Variants in UNC13C observed in about 807,000 individuals in gnomAD.
UNC13C encodes unc-13 homolog C.
Under a neutral mutation model 245.4 loss-of-function variants are expected in UNC13C, and 174 were observed. The ratio of observed to expected loss-of-function variants is 0.71; its 90% confidence interval spans 0.63 to 0.80. The LOEUF is 0.80. Among genes scored for constraint, UNC13C ranks in the 30% least tolerant of loss-of-function variants. The pLI is 0.00. For synonymous variants in UNC13C, 992 were observed against 895.1 expected (o/e 1.11, Z -1.93); for missense variants, 2,829 against 2,602.9 (o/e 1.09, Z -1.89).
chr15:54,056,302 A>T (rs1897518249), intron 2 of UNC13C, among the ~76,000 whole-genome samples: 1 of 152,218 alleles, frequency 6.6e-6, no homozygotes, highest in Admixed American at 6.5e-5. Flanking sequence ...CACGAGACCT[A>T]CGTGACGAAT....
intron 2 of UNC13C, among the ~76,000 whole-genome samples, chr15:54,065,779 A>C (rs1898047560): frequency 6.6e-6 from 1 of 152,210 alleles, no homozygotes; most frequent in Admixed American, 6.5e-5. Flanking sequence ...ACTGGGAAAT[A>C]CACTCTTTTT....
intron 13 of UNC13C, among the ~76,000 whole-genome samples, chr15:54,306,703 C>G (rs2037733826): frequency 6.6e-6 from 1 of 151,926 alleles, no homozygotes; most frequent in South Asian, 2.1e-4. Flanking sequence ...AGATGTCTCA[C>G]AAAGTCTGAG....
Position 54,430,955 on chromosome 15 carries a change from T to C in UNC13C, c.4933+15888T>C, listed in dbSNP as rs145088376. Among the ~76,000 whole-genome samples the C allele has an allele frequency of 5.5e-3, 838 of 151,864 alleles. 8 individuals are homozygous for C. The highest frequency in any genetic ancestry group is 0.019 in the African/African-American group (806 of 41,518). On this transcript the variant is annotated intron_variant, in intron 19 of 32. Transcript: ENST00000260323. ...GGGAAATTTCAGATGTCATGAACCA[T>C]GTTGCAACTTCTCTTTAGAGAAAAC...
Position 54,627,148 on chromosome 15 carries a change from T to A in UNC13C, c.*35T>A, listed in dbSNP as rs757481127. The A allele has an allele frequency of 1.9e-6, 3 of 1,568,360 alleles. No homozygotes were observed. In the South Asian group the frequency reaches 3.6e-5, roughly 19 times the overall value. ...TGCAAGCTAAATACATAACTATAAT[T>A]GTTTGACTACTGCATGCATGTGCAA... On this transcript the variant is annotated 3_prime_UTR_variant, in exon 33 of 33. Transcript: ENST00000260323.
chr15:54,278,646 G>C (rs1370808193), intron 10 of UNC13C, among the ~76,000 whole-genome samples: 1 of 152,120 alleles, frequency 6.6e-6, no homozygotes, highest in African/African-American at 2.4e-5. Context: ...GAATGCACTA[G>C]TTATTTTTTT....
At chr15:54,523,976 T>C (rs1452992964) in intron 24 of UNC13C, among the ~76,000 whole-genome samples, 2 of 152,230 alleles carry the variant, frequency 1.3e-5, no homozygotes, top group African/African-American at 4.8e-5. Context: ...AAATTCAGCC[T>C]GCATGATTCC....
rs1181946416 is a variant in UNC13C, at chr15:54,553,421, AT to A, written c.5878-2009del. On this transcript the variant is annotated intron_variant, in intron 28 of 32. Coordinates refer to ENST00000260323, the MANE Select transcript of UNC13C (RefSeq NM_001080534.3). ...TATATTATATATTGTAATATATAATATTATATATAATATATAATATAATTAT... is the reference window on the plus strand; with the variant it reads ...TATATTATATATTGTAATATATAATATATATATAATATATAATATAATTAT... Among the ~76,000 whole-genome samples the A allele has an allele frequency of 4.6e-3, 546 of 118,956 alleles. 4 individuals carry two copies. The highest frequency in any genetic ancestry group is 6.6e-3 in the South Asian group (27 of 4,080). 78.0% of individuals were successfully genotyped at this position (118,956 alleles called of 152,430 possible). A position where few individuals can be genotyped will look rare whatever the true frequency, so the allele number is the denominator to read the frequency against.
chr15:54,238,076 G>GTTTTTTTTT (rs10645906), intron 7 of UNC13C, among the ~76,000 whole-genome samples: 10 of 115,834 alleles, frequency 8.6e-5, no homozygotes, highest in African/African-American at 3.6e-4. Flanking sequence ...ACTTTTATAG[G>GTTTTTTTTT]TTTTTTTTTT....
intron 4 of UNC13C, among the ~76,000 whole-genome samples, chr15:54,218,212 T>A (rs1019928904): frequency 6.6e-6 from 1 of 151,956 alleles, no homozygotes; most frequent in Non-Finnish European, 1.5e-5. Context: ...TAACAAGTGT[T>A]TACCTTTCAA....
At chr15:54,607,297 C>G (rs906114388) in intron 30 of UNC13C, among the ~76,000 whole-genome samples, 1 of 152,174 alleles carries the variant, frequency 6.6e-6, no homozygotes, top group Non-Finnish European at 1.5e-5. Flanking sequence ...TACTAGGCCA[C>G]AGAAATTACT....
At chr15:54,626,754 A>T in intron 32 of UNC13C, 74 bp from the exon 33 acceptor site, 1 of 1,269,014 alleles carries the variant, frequency 7.9e-7, no homozygotes, top group Non-Finnish European at 1.1e-6. Context: ...AGTTTTCAGC[A>T]GTATTTGAGA....
intron 25 of UNC13C, among the ~76,000 whole-genome samples, chr15:54,527,128 A>G (rs1287608991): frequency 1.3e-5 from 2 of 151,756 alleles, no homozygotes; most frequent in African/African-American, 4.8e-5. Context: ...TGATTGGATG[A>G]TCCTGCCTAC....
At chr15:54,362,388 G>C (rs2039253965) in intron 17 of UNC13C, among the ~76,000 whole-genome samples, 1 of 152,176 alleles carries the variant, frequency 6.6e-6, no homozygotes, top group African/African-American at 2.4e-5. Flanking sequence ...AGACTAAAAT[G>C]ACTATTTCTC....
At chr15:54,374,806 G>A (rs555093) in intron 17 of UNC13C, among the ~76,000 whole-genome samples, 69,884 of 152,118 alleles carry the variant, frequency 0.46, 16,422 homozygotes, top group East Asian at 0.73. Flanking sequence ...GCTGGCTGCA[G>A]CTGTCATCTT....
chr15:54,530,060 C>T (rs981218280), intron 25 of UNC13C, among the ~76,000 whole-genome samples: 1 of 152,130 alleles, frequency 6.6e-6, no homozygotes, highest in East Asian at 1.9e-4. Flanking sequence ...CTCTTCGTGA[C>T]ATTTAAATCC....
intron 2 of UNC13C, among the ~76,000 whole-genome samples, chr15:54,135,812 A>AAT (rs1383261034): frequency 6.6e-6 from 1 of 152,030 alleles, no homozygotes; most frequent in East Asian, 1.9e-4. Context: ...TAAGTTTTAG[A>AAT]ATTTTTTTTC....
intron 32 of UNC13C, among the ~76,000 whole-genome samples, chr15:54,625,823 C>G (rs1901103670): frequency 6.6e-6 from 1 of 152,150 alleles, no homozygotes; most frequent in Non-Finnish European, 1.5e-5. Flanking sequence ...AAACCTGGAC[C>G]CAACTAAAGT....
At position 54,395,040 on chromosome 15, in the gene UNC13C, AC is replaced by A. The variant is rs777465616; in HGVS notation, c.4847+1860del. 2.2e-3 allele frequency among the ~76,000 whole-genome samples: 328 copies of A among 151,860 alleles called. 1 individual carries two copies. The highest frequency in any genetic ancestry group is 3.9e-3 in the Non-Finnish European group (261 of 67,758). On this transcript the variant is annotated intron_variant, in intron 18 of 32. Transcript: ENST00000260323. ...GTTTTTAATGTCAGAGTTTAAGTCCACTTTTTTCCTTTGGAAACCTGTCCCT... is the reference window on the plus strand; with the variant it reads ...GTTTTTAATGTCAGAGTTTAAGTCCATTTTTTCCTTTGGAAACCTGTCCCT...
At chr15:53,863,368 C>G in the UNC13C span, among the ~76,000 whole-genome samples, 1 of 152,176 alleles carries the variant, frequency 6.6e-6, no homozygotes, top group Non-Finnish European at 1.5e-5. Context: ...AAGTGACACA[C>G]ATTTCTAATT....
Sources: allele counts gnomAD v4.1 joint callset (sites outside exome capture counted in the v4.1 genomes callset), GRCh38; gene constraint gnomAD v4.1.1; transcripts MANE v1.5; gene names NCBI Gene and HGNC (gene_info 2026-07-23, HGNC 2026-07-21).